ADAMTS8: variants seen among roughly 807,000 people sequenced by gnomAD.
ADAMTS8 encodes ADAM metallopeptidase with thrombospondin type 1 motif 8, also known as A disintegrin and metalloproteinase with thrombospondin motifs 8.
Under a neutral mutation model 64.4 loss-of-function variants are expected in ADAMTS8, and 50 were observed. The ratio of observed to expected loss-of-function variants is 0.78; its 90% CI spans 0.62 to 0.98. The LOEUF (loss-of-function observed/expected upper bound fraction) is 0.98, where lower values mean the gene tolerates loss of function less well. Among genes scored for constraint, ADAMTS8 ranks in the 50% least tolerant of loss-of-function variants. ADAMTS8 has a pLI of 0.00. For missense variants in ADAMTS8, 1,192 were observed against 1,208.2 expected (o/e 0.99, Z 0.20); for synonymous variants, 556 against 533.6 (o/e 1.04, Z -0.58).
chr11:130,422,010 G>A (rs1030059313), intron 1 of ADAMTS8, among the ~76,000 whole-genome samples: 4 of 152,230 alleles, frequency 2.6e-5, no homozygotes, highest in South Asian at 2.1e-4. Context: ...GGGAGCCCAC[G>A]GTCAGCCCAG....
At chr11:130,421,466 G>A (rs1862098038) in intron 1 of ADAMTS8, among the ~76,000 whole-genome samples, 1 of 152,112 alleles carries the variant, frequency 6.6e-6, no homozygotes, top group Non-Finnish European at 1.5e-5. Context: ...GGGGTGGGCT[G>A]GACTTGAGGA....
At chr11:130,413,233 G>A (rs930091696) in intron 5 of ADAMTS8, among the ~76,000 whole-genome samples, 6 of 151,966 alleles carry the variant, frequency 3.9e-5, no homozygotes, top group South Asian at 2.1e-4. Context: ...ATCATTTCAC[G>A]TCAACCTCTC....
In ADAMTS8 at chr11:130,428,080, C is replaced by T; in HGVS notation, c.207G>A (p.Ala69=). The T allele has an allele frequency of 2.0e-6, 3 of 1,538,240 alleles. No individual in the cohort carries two copies. The highest frequency in any genetic ancestry group is 2.6e-6 in the Non-Finnish European group (3 of 1,151,440). The change falls in exon 1 of 9, where the codon GCG becomes GCA. Residue 69 remains alanine (A), a synonymous_variant. Transcript: ENST00000257359. ...AFGKGFVLRL[A]PDDSFLAPEF... is the part of the protein sequence containing the mutation. ...CGGGCGCTAGGAAGCTGTCGTCGGG[C>T]GCCAGGCGCAGCACGAAGCCCTTGC...
chr11:130,422,551 C>G (rs1225086452), intron 1 of ADAMTS8, among the ~76,000 whole-genome samples: 1 of 152,200 alleles, frequency 6.6e-6, no homozygotes, highest in Admixed American at 6.5e-5. Context: ...CTTGCATTCC[C>G]TCTTCCTATC....
At position 130,419,028 on chromosome 11, in the gene ADAMTS8, A is replaced by G. The variant is rs760973454; in HGVS notation, c.960+25T>C. 6 of 1,613,366 alleles carry G rather than the reference A, an allele frequency of 3.7e-6. No homozygotes were observed. In the East Asian group the frequency reaches 1.3e-4, roughly 36 times the overall value. Reference sequence around the variant, plus strand: ...GCCCATCCTGTCTCCCTTCCTCCCCAGGGCTTCCGGAGCCAGGCACGGACC... The same window carrying G: ...GCCCATCCTGTCTCCCTTCCTCCCCGGGGCTTCCGGAGCCAGGCACGGACC... On this transcript the variant is annotated intron_variant, in intron 2 of 8. Coordinates refer to ENST00000257359, the MANE Select transcript of ADAMTS8 (RefSeq NM_007037.6).
At chr11:130,409,315 G>A (rs1436376110) in intron 6 of ADAMTS8, among the ~76,000 whole-genome samples, 1 of 152,124 alleles carries the variant, frequency 6.6e-6, no homozygotes, top group African/African-American at 2.4e-5. Flanking sequence ...GTGCAGTATC[G>A]ATTTCCTCAG....
Position 130,405,121 on chromosome 11 carries a change from T to C in ADAMTS8, c.*437A>G, listed in dbSNP as rs1228813801. ...CTTGGGGTCCAGCTTTGGAGCCTGC[T>C]TTGACATTCACCATTGACTCCCTGC... is the stretch of plus-strand genomic sequence containing the variant. On this transcript the variant is annotated 3_prime_UTR_variant, in exon 9 of 9. Coordinates refer to ENST00000257359, the MANE Select transcript of ADAMTS8 (RefSeq NM_007037.6). 1.0e-6 allele frequency: 1 copy of C among 993,248 alleles called. No homozygotes were observed. Among genetic ancestry groups the C allele is most frequent in the Admixed American group, 5.8e-5 (1 of 17,192 alleles). The allele number at this position is 993,248 out of a possible 1,614,324, so 61.5% of individuals were successfully genotyped here.
chr11:130,428,310 G>A lies in ADAMTS8; in HGVS notation c.-24C>T. 1.6e-6 allele frequency: 2 copies of A among 1,251,152 alleles called. No individual in the cohort carries two copies. The highest frequency in any genetic ancestry group is 3.6e-5 in the Admixed American group (1 of 27,630). The allele number at this position is 1,251,152 out of a possible 1,614,324, so 77.5% of individuals were successfully genotyped here. A position where few individuals can be genotyped will look rare whatever the true frequency, so the allele number is the denominator to read the frequency against. ...ATGGGGGCTGCGGCGGTGGCTGCGCGCAGGAGAGGGAAGAAGCCCGCCAGG... is the reference window on the plus strand; with the variant it reads ...ATGGGGGCTGCGGCGGTGGCTGCGCACAGGAGAGGGAAGAAGCCCGCCAGG... On this transcript the variant is annotated 5_prime_UTR_variant, in exon 1 of 9. Coordinates refer to ENST00000257359, the MANE Select transcript of ADAMTS8 (RefSeq NM_007037.6).
intron 5 of ADAMTS8, among the ~76,000 whole-genome samples, chr11:130,413,765 C>G (rs1408660480): frequency 6.6e-6 from 1 of 152,198 alleles, no homozygotes; most frequent in African/African-American, 2.4e-5. Context: ...ATTCTCCCAA[C>G]CTGTAATTAT....
At chr11:130,426,299 G>T (rs1862166227) in intron 1 of ADAMTS8, among the ~76,000 whole-genome samples, 1 of 152,222 alleles carries the variant, frequency 6.6e-6, no homozygotes, top group Non-Finnish European at 1.5e-5. Flanking sequence ...GGGTGGGAAA[G>T]ATGGGGTGAG....
chr11:130,405,634 T>G lies in ADAMTS8; in HGVS notation c.2594A>C (p.Gln865Pro). The G allele has an allele frequency of 6.2e-7, 1 of 1,613,886 alleles. No individual in the cohort carries two copies. The highest frequency in any genetic ancestry group is 8.5e-7 in the Non-Finnish European group (1 of 1,179,832). ...AGCCTTGTTGCAGGTGGCAGAGGCC[T>G]GGCCGGAGGGGTCCCTGCACTCTAC... Reference protein sequence around the residue: ...RTVECRDPSGQASATCNKALK... With the variant: ...RTVECRDPSGPASATCNKALK... Residue 865 changes from glutamine (Q) to proline (P), a missense_variant, in exon 9 of 9, where the codon CAG becomes CCG. Coordinates refer to ENST00000257359, the MANE Select transcript of ADAMTS8 (RefSeq NM_007037.6).
intron 1 of ADAMTS8, among the ~76,000 whole-genome samples, chr11:130,423,828 T>TGGAC (rs1441676753): frequency 6.6e-6 from 1 of 152,220 alleles, no homozygotes; most frequent in African/African-American, 2.4e-5. Context: ...GAGCAGCAGC[T>TGGAC]GGACGTAGAC....
At chr11:130,406,319 T>G (rs1376784483) in intron 8 of ADAMTS8, among the ~76,000 whole-genome samples, 191 bp from the exon 9 acceptor site, 1 of 152,186 alleles carries the variant, frequency 6.6e-6, no homozygotes, top group East Asian at 1.9e-4. Flanking sequence ...TACATTGGGA[T>G]TTTCAAGGGT....
chr11:130,425,705 A>G (rs1448179875), intron 1 of ADAMTS8, among the ~76,000 whole-genome samples: 2 of 149,638 alleles, frequency 1.3e-5, no homozygotes, highest in Admixed American at 1.3e-4. Flanking sequence ...AGTTGACACC[A>G]TTCTCCTGCC....
intron 2 of ADAMTS8, among the ~76,000 whole-genome samples, chr11:130,417,790 C>T (rs1421872633): frequency 6.6e-6 from 1 of 152,136 alleles, no homozygotes; most frequent in Non-Finnish European, 1.5e-5. Flanking sequence ...CACCTAGTGG[C>T]CTCGCTTTAT....
intron 1 of ADAMTS8, among the ~76,000 whole-genome samples, chr11:130,424,644 G>C (rs1862140118): frequency 1.3e-5 from 2 of 152,174 alleles, no homozygotes. Context: ...GCAGGAGGTG[G>C]GTGTGGGCAG....
intron 1 of ADAMTS8, 94 bp downstream of exon 1, chr11:130,427,473 T>A: frequency 1.1e-6 from 1 of 890,408 alleles, no homozygotes. Context: ...TTTTTTTTTT[T>A]TCTCAGAGGG....
chr11:130,409,043 T>A (rs1043036928), intron 6 of ADAMTS8, 103 bp from the exon 7 acceptor site: 60 of 1,392,438 alleles, frequency 4.3e-5, no homozygotes, highest in Non-Finnish European at 5.4e-5. Flanking sequence ...TTCTTTTGGT[T>A]TTGAACTCAA....
intron 1 of ADAMTS8, among the ~76,000 whole-genome samples, chr11:130,426,855 C>G (rs1233515321): frequency 2.6e-5 from 4 of 152,252 alleles, no homozygotes; most frequent in South Asian, 2.1e-4. Context: ...CCTCGCGTTT[C>G]CACCAAAGCT....
Sources: allele counts gnomAD v4.1 joint callset (sites outside exome capture counted in the v4.1 genomes callset), GRCh38; gene constraint gnomAD v4.1.1; transcripts MANE v1.5; gene names NCBI Gene and HGNC (gene_info 2026-07-23, HGNC 2026-07-21).